The following MCM10 variants were observed in gnomAD, a reference collection of about 807,000 sequenced individuals.
MCM10 encodes the protein minichromosome maintenance 10 replication initiation factor, also known as protein MCM10 homolog.
In MCM10, 91 loss-of-function variants were observed where a neutral mutation model predicts 109.9. That is an observed-to-expected ratio of 0.83 (90% CI 0.70 to 0.99). The LOEUF (loss-of-function observed/expected upper bound fraction) is 0.99, where lower values mean the gene tolerates loss of function less well. Ranked by LOEUF, MCM10 falls within the 50% of genes least tolerant of loss-of-function variation. MCM10 has a pLI of 0.00. For synonymous variants in MCM10, 380 were observed against 387.2 expected, an observed-to-expected ratio of 0.98 and a Z score of 0.22; for missense variants, 1,077 against 1,061.2, an observed-to-expected ratio of 1.01 and a Z score of -0.21.
intron 2 of MCM10, among the ~76,000 whole-genome samples, chr10:13,164,744 A>G (rs1833972106): frequency 6.6e-6 from 1 of 152,184 alleles, no homozygotes; most frequent in Admixed American, 6.5e-5. Flanking sequence ...GAGATGTTGC[A>G]CTAATTAGCG....
rs1834637159 is a variant in MCM10, at chr10:13,209,989, G to A, written c.*679G>A. ...TTATATATATAGAGAGAAAGAAGGT[G>A]TCTGCTCTTACATTATTGTGGAGCC... is the stretch of plus-strand genomic sequence containing the variant. On this transcript the variant is annotated 3_prime_UTR_variant, in exon 20 of 20. Transcript: ENST00000378714. 6.7e-6 allele frequency: 1 copy of A among 148,362 alleles called. No homozygotes were observed. The allele number at this position is 148,362 out of a possible 1,614,324, so 9.2% of individuals were successfully genotyped here. A position where few individuals can be genotyped will look rare whatever the true frequency, so the allele number is the denominator to read the frequency against.
chr10:13,162,603 G>GCA (rs1833941735), intron 1 of MCM10, among the ~76,000 whole-genome samples: 1 of 152,138 alleles, frequency 6.6e-6, no homozygotes, highest in Non-Finnish European at 1.5e-5. Flanking sequence ...ACTTGTCAGT[G>GCA]GCCGTGGATT....
chr10:13,208,380 C>A (rs1350647471), intron 18 of MCM10, among the ~76,000 whole-genome samples: 1 of 151,682 alleles, frequency 6.6e-6, no homozygotes, highest in African/African-American at 2.4e-5. Flanking sequence ...AGAGTGAACC[C>A]TGTCTCTAAA....
chr10:13,166,285 G>A (rs540515190), intron 2 of MCM10, among the ~76,000 whole-genome samples: 25 of 152,192 alleles, frequency 1.6e-4, no homozygotes, highest in African/African-American at 5.3e-4. Flanking sequence ...GAGAAGATAC[G>A]TTCAGAGTTG....
intron 18 of MCM10, among the ~76,000 whole-genome samples, chr10:13,205,456 C>T (rs570930386): frequency 2.4e-4 from 37 of 152,200 alleles, no homozygotes; most frequent in South Asian, 6.2e-4. Context: ...GTTGATTCCA[C>T]GTCTTTGCTA....
intron 5 of MCM10, among the ~76,000 whole-genome samples, chr10:13,173,293 C>T (rs890387610): frequency 2.0e-5 from 3 of 151,906 alleles, no homozygotes; most frequent in African/African-American, 4.8e-5. Context: ...ATAGTTTTAC[C>T]TGGACTGTAG....
At chr10:13,166,754 G>A (rs181769962) in intron 2 of MCM10, among the ~76,000 whole-genome samples, 28 of 151,092 alleles carry the variant, frequency 1.9e-4, no homozygotes, top group African/African-American at 6.3e-4. Flanking sequence ...GTGTGAAGTG[G>A]TCAGAGCCTG....
At chr10:13,187,299 T>C (rs1834288199) in intron 9 of MCM10, among the ~76,000 whole-genome samples, 1 of 152,268 alleles carries the variant, frequency 6.6e-6, no homozygotes, top group Admixed American at 6.5e-5. Context: ...TGCTGTAGCA[T>C]TTATCAACAC....
chr10:13,161,891 T>TATTC (rs57090063), intron 1 of MCM10, among the ~76,000 whole-genome samples: 55 of 151,834 alleles, frequency 3.6e-4, no homozygotes, highest in East Asian at 2.5e-3. Flanking sequence ...GGCTTTCTTT[T>TATTC]ATTCATTCAT....
rs114844730 is a variant in MCM10, at chr10:13,195,362, G to A, written c.1974+93G>A. ...GACACCTAATAGCTCTTTATTGATC[G>A]TGATCATTAGAGTCAGTGTAATTTG... is the stretch of plus-strand genomic sequence containing the variant. On this transcript the variant is annotated intron_variant, in intron 14 of 19. Coordinates refer to ENST00000378714, the MANE Select transcript of MCM10 (RefSeq NM_018518.5). 4.9e-4 allele frequency: 443 copies of A among 895,804 alleles called. No homozygotes were observed. The African/African-American group carries it at 6.5e-3, about 13-fold the overall frequency. The allele number at this position is 895,804 out of a possible 1,614,324, so 55.5% of individuals were successfully genotyped here.
intron 9 of MCM10, among the ~76,000 whole-genome samples, chr10:13,187,476 C>T (rs1834290352): frequency 6.6e-6 from 1 of 152,212 alleles, no homozygotes; most frequent in South Asian, 2.1e-4. Context: ...ATGTTTTCCA[C>T]TCCCTTGGGC....
chr10:13,203,952 G>T (rs1244947451), intron 17 of MCM10, among the ~76,000 whole-genome samples: 1 of 152,106 alleles, frequency 6.6e-6, no homozygotes, highest in African/African-American at 2.4e-5. Context: ...ATCATGGAAC[G>T]TGTTACACAA....
At chr10:13,170,901 C>T (rs370339140) in intron 2 of MCM10, 21 bp from the exon 3 acceptor site, 39 of 1,599,418 alleles carry the variant, frequency 2.4e-5, no homozygotes, top group Non-Finnish European at 3.2e-5. Flanking sequence ...ATTCTCTGTC[C>T]TTTCTCTTCT....
At chr10:13,179,708 G>A (rs1357676911) in intron 6 of MCM10, among the ~76,000 whole-genome samples, 1 of 152,030 alleles carries the variant, frequency 6.6e-6, no homozygotes, top group Non-Finnish European at 1.5e-5. Context: ...AGCCTTTATT[G>A]TATGTCAAAA....
Position 13,210,133 on chromosome 10 carries a change from A to C in MCM10, c.*823A>C, listed in dbSNP as rs1186210115. On this transcript the variant is annotated 3_prime_UTR_variant, in exon 20 of 20. Coordinates refer to ENST00000378714, the MANE Select transcript of MCM10 (RefSeq NM_018518.5). ...CAGTAGTGCGATCGCGGCACACTGC[A>C]GCCTTGGCTTCCCTGGGCTCAAGCA... is the stretch of plus-strand genomic sequence containing the variant. 10 of 151,880 alleles carry C rather than the reference A, an allele frequency of 6.6e-5. No homozygotes were observed. Among genetic ancestry groups the C allele is most frequent in the Admixed American group, 5.9e-4 (9 of 15,216 alleles). 9.4% of individuals were successfully genotyped at this position (151,880 alleles called of 1,614,324 possible). A position where few individuals can be genotyped will look rare whatever the true frequency, so the allele number is the denominator to read the frequency against.
At position 13,194,229 on chromosome 10, in the gene MCM10, T is replaced by C. The variant is rs187253713; in HGVS notation, c.1746-812T>C. 3.5e-3 allele frequency among the ~76,000 whole-genome samples: 535 copies of C among 152,192 alleles called. 2 individuals carry two copies. Among genetic ancestry groups the C allele is most frequent in the African/African-American group, 0.012 (506 of 41,516 alleles). ...CAGTACAAAGATTAGCTGGGCATGGTGGTGCACACTGTGGACCCAGCTACT... is the reference window on the plus strand; with the variant it reads ...CAGTACAAAGATTAGCTGGGCATGGCGGTGCACACTGTGGACCCAGCTACT... On this transcript the variant is annotated intron_variant, in intron 13 of 19. Transcript: ENST00000378714.
chr10:13,162,655 C>T (rs142432781), intron 1 of MCM10, among the ~76,000 whole-genome samples: 1 of 152,130 alleles, frequency 6.6e-6, no homozygotes, highest in Non-Finnish European at 1.5e-5. Flanking sequence ...TGGGGGAAGG[C>T]AAGGCCGGTT....
At chr10:13,166,209 G>C in intron 2 of MCM10, among the ~76,000 whole-genome samples, 1 of 152,114 alleles carries the variant, frequency 6.6e-6, no homozygotes, top group Non-Finnish European at 1.5e-5. Flanking sequence ...GGGACCCAAT[G>C]TAAGAATGTA....
chr10:13,172,538 T>C lies in MCM10; in HGVS notation c.454+58T>C, dbSNP rs1834088239. ...ATTTATTTTATTAGAAATTATCACA[T>C]CATTTCTGCATCCAACTCCTGTCCA... On this transcript the variant is annotated intron_variant, in intron 4 of 19. Coordinates refer to ENST00000378714, the MANE Select transcript of MCM10 (RefSeq NM_018518.5). The surrounding 1 kb of genome is among the most constrained non-coding windows in gnomAD (Gnocchi z 5.2). 1.9e-6 allele frequency: 3 copies of C among 1,601,622 alleles called. No individual in the cohort carries two copies. The South Asian group carries it at 3.3e-5, about 18-fold the overall frequency.
Sources: allele counts gnomAD v4.1 joint callset (sites outside exome capture counted in the v4.1 genomes callset), GRCh38; gene constraint gnomAD v4.1.1; non-coding constraint Gnocchi (gnomAD v3.1); transcripts MANE v1.5; gene names NCBI Gene and HGNC (gene_info 2026-07-23, HGNC 2026-07-21).